Variants in XKR6 observed in about 807,000 individuals in gnomAD.
XKR6 encodes XK-related protein 6.
Under a neutral mutation model 56.7 loss-of-function variants are expected in XKR6, and 22 were observed. The ratio of observed to expected loss-of-function variants is 0.39; its 90% CI spans 0.28 to 0.55. The LOEUF is 0.55. Ranked by LOEUF, XKR6 falls within the 20% of genes least tolerant of loss-of-function variation. XKR6 has a pLI of 0.66. For missense variants in XKR6, 852 were observed against 889.0 expected (o/e 0.96, Z 0.53); for synonymous variants, 524 against 387.8 (o/e 1.35, Z -4.13).
At chr8:11,004,108 C>T (rs7350074) in intron 1 of XKR6, among the ~76,000 whole-genome samples, 38,715 of 151,954 alleles carry the variant, frequency 0.25, 5,507 homozygotes, top group African/African-American at 0.36. Context: ...AGAGATGGAG[C>T]GAAGTCTGGG....
chr8:10,960,779 C>T (rs1295721185), intron 1 of XKR6, among the ~76,000 whole-genome samples: 2 of 152,204 alleles, frequency 1.3e-5, no homozygotes. Context: ...CATCTAATCA[C>T]CCTTTCACTC....
chr8:11,054,210 C>T (rs924256125), intron 1 of XKR6, among the ~76,000 whole-genome samples: 2 of 152,158 alleles, frequency 1.3e-5, no homozygotes, highest in Non-Finnish European at 2.9e-5. Context: ...ATATCCCCCT[C>T]CCTCTTCTGG....
chr8:10,902,672 T>C (rs1398711922), intron 2 of XKR6, among the ~76,000 whole-genome samples: 5 of 152,200 alleles, frequency 3.3e-5, no homozygotes, highest in Admixed American at 2.6e-4. Flanking sequence ...TCCTTGACAC[T>C]GTGAAATGCT....
At chr8:10,990,346 C>G (rs975933635) in intron 1 of XKR6, among the ~76,000 whole-genome samples, 9 of 152,142 alleles carry the variant, frequency 5.9e-5, no homozygotes, top group Non-Finnish European at 1.0e-4. Context: ...TGCTGAAAAG[C>G]CTGCTCTGGT....
intron 1 of XKR6, among the ~76,000 whole-genome samples, chr8:11,098,306 G>C (rs1215874374): frequency 6.6e-6 from 1 of 151,986 alleles, no homozygotes; most frequent in Non-Finnish European, 1.5e-5. Context: ...CACACACAAA[G>C]TTTGAGGACT....
intron 1 of XKR6, among the ~76,000 whole-genome samples, chr8:11,134,736 T>C (rs80097140): frequency 0.024 from 3,631 of 152,154 alleles, 61 homozygotes; most frequent in Non-Finnish European, 0.04. Context: ...GAAATTAACC[T>C]ACCAGCGAAA....
chr8:11,054,738 G>A (rs562885907), intron 1 of XKR6, among the ~76,000 whole-genome samples: 163 of 152,306 alleles, frequency 1.1e-3, no homozygotes, highest in African/African-American at 3.8e-3. Flanking sequence ...GGAAGTGTGG[G>A]TGGACGGGGT....
intron 1 of XKR6, among the ~76,000 whole-genome samples, chr8:11,033,226 A>G (rs1034541821): frequency 1.3e-5 from 2 of 151,316 alleles, no homozygotes; most frequent in African/African-American, 4.9e-5. Context: ...GATGGTTACG[A>G]TGGTGATGGT....
chr8:11,033,719 T>G (rs1204981676), intron 1 of XKR6, among the ~76,000 whole-genome samples: 1 of 152,098 alleles, frequency 6.6e-6, no homozygotes, highest in Non-Finnish European at 1.5e-5. Flanking sequence ...CAAAGGGTAG[T>G]CTGAGAACCA....
chr8:11,019,163 C>T (rs1444316392), intron 1 of XKR6, among the ~76,000 whole-genome samples: 1 of 152,216 alleles, frequency 6.6e-6, no homozygotes, highest in Admixed American at 6.5e-5. Context: ...AAAAGACCAA[C>T]ATGTTTCACT....
intron 1 of XKR6, among the ~76,000 whole-genome samples, chr8:11,148,506 G>C (rs1172474944): frequency 6.6e-6 from 1 of 152,232 alleles, no homozygotes; most frequent in Non-Finnish European, 1.5e-5. Flanking sequence ...GTTTGTGGTT[G>C]TTTGTTATGG....
intron 1 of XKR6, among the ~76,000 whole-genome samples, chr8:11,119,327 G>A (rs376394349): frequency 7.2e-5 from 11 of 152,164 alleles, no homozygotes; most frequent in South Asian, 2.1e-4. Context: ...TATTAGGTCC[G>A]CTTGGTGCAG....
chr8:11,066,005 G>T (rs1799967679), intron 1 of XKR6, among the ~76,000 whole-genome samples: 1 of 152,210 alleles, frequency 6.6e-6, no homozygotes, highest in Admixed American at 6.5e-5. Flanking sequence ...GGAAGAGGGG[G>T]CTCTGCATTC....
intron 1 of XKR6, among the ~76,000 whole-genome samples, chr8:10,977,356 A>C (rs1802597281): frequency 6.6e-6 from 1 of 151,938 alleles, no homozygotes; most frequent in Non-Finnish European, 1.5e-5. Flanking sequence ...CCAACTGGAG[A>C]ATACATGTGG....
At chr8:10,947,862 G>A (rs145495909) in intron 1 of XKR6, among the ~76,000 whole-genome samples, 3 of 152,338 alleles carry the variant, frequency 2.0e-5, no homozygotes, top group Non-Finnish European at 4.4e-5. Flanking sequence ...TCACACAGGT[G>A]TAGGGACCCA....
chr8:11,000,677 T>C (rs917910603), intron 1 of XKR6, among the ~76,000 whole-genome samples: 7 of 152,146 alleles, frequency 4.6e-5, no homozygotes, highest in Non-Finnish European at 1.0e-4. Context: ...AGAGCCAGAC[T>C]CTATCTCAAA....
intron 2 of XKR6, among the ~76,000 whole-genome samples, chr8:10,919,598 A>G (rs1372865789): frequency 2.0e-5 from 3 of 152,184 alleles, no homozygotes; most frequent in African/African-American, 4.8e-5. Context: ...CTTTGCAACA[A>G]CCCAAAAAGT....
intron 1 of XKR6, among the ~76,000 whole-genome samples, chr8:11,148,274 G>A (rs1021032246): frequency 6.6e-6 from 1 of 152,150 alleles, no homozygotes; most frequent in South Asian, 2.1e-4. Context: ...ACCCTAATCT[G>A]ATCTGACTAG....
intron 1 of XKR6, among the ~76,000 whole-genome samples, chr8:10,937,760 T>C (rs1215469635): frequency 6.6e-6 from 1 of 150,802 alleles, no homozygotes; most frequent in Admixed American, 6.6e-5. Context: ...CTGCCCGTTC[T>C]CAGATCTCCA....
Sources: allele counts gnomAD v4.1 joint callset (sites outside exome capture counted in the v4.1 genomes callset), GRCh38; gene constraint gnomAD v4.1.1; transcripts MANE v1.5; gene names NCBI Gene and HGNC (gene_info 2026-07-23, HGNC 2026-07-21).